LRBA: variants seen among roughly 807,000 people sequenced by gnomAD.
LRBA encodes the protein LPS responsive beige-like anchor protein.
A neutral mutation model predicts 330.0 loss-of-function variants in LRBA; 176 were observed. That is an observed-to-expected ratio of 0.53 (90% CI 0.47 to 0.60). LRBA has a LOEUF of 0.60. Ranked by LOEUF, LRBA falls within the 20% of genes least tolerant of loss-of-function variation. LRBA has a pLI of 0.00. For synonymous variants in LRBA, 1,230 were observed against 1,193.0 expected (o/e 1.03, Z -0.64); for missense variants, 3,259 against 3,444.8 (o/e 0.95, Z 1.35).
At chr4:150,973,335 T>C (rs1579368961) in intron 2 of LRBA, among the ~76,000 whole-genome samples, 2 of 152,182 alleles carry the variant, frequency 1.3e-5, no homozygotes, top group South Asian at 4.1e-4. Context: ...GCCCAGCTAA[T>C]TTTGTATTTT....
At chr4:150,994,617 A>C (rs1742444130) in intron 2 of LRBA, among the ~76,000 whole-genome samples, 1 of 152,204 alleles carries the variant, frequency 6.6e-6, no homozygotes, top group African/African-American at 2.4e-5. Context: ...ATAAGAGATA[A>C]AGAGTAACAA....
intron 13 of LRBA, among the ~76,000 whole-genome samples, chr4:150,903,377 T>C (rs1579151206): frequency 6.6e-6 from 1 of 151,998 alleles, no homozygotes; most frequent in Admixed American, 6.6e-5. Context: ...AGAATAGTTA[T>C]AAGTTAGACA....
intron 40 of LRBA, among the ~76,000 whole-genome samples, chr4:150,510,794 A>G (rs1216803402): frequency 6.6e-6 from 1 of 151,998 alleles, no homozygotes; most frequent in Non-Finnish European, 1.5e-5. Context: ...TCACCTATAA[A>G]TAGCTCCACC....
chr4:150,547,481 T>C (rs1443752149), intron 40 of LRBA, among the ~76,000 whole-genome samples: 1 of 152,166 alleles, frequency 6.6e-6, no homozygotes, highest in Non-Finnish European at 1.5e-5. Flanking sequence ...AAGTCTGCTA[T>C]ATTGTAGACA....
At chr4:150,814,642 TG>T (rs909456904) in intron 31 of LRBA, among the ~76,000 whole-genome samples, 32 of 146,778 alleles carry the variant, frequency 2.2e-4, no homozygotes, top group African/African-American at 3.8e-4. Context: ...TTTTTAAAAA[TG>T]GGGGGGGCTA....
intron 2 of LRBA, 167 bp downstream of exon 2, chr4:151,014,260 A>G (rs1745177911): frequency 1.7e-6 from 1 of 583,072 alleles, no homozygotes; most frequent in South Asian, 2.5e-5. Flanking sequence ...ATTCCCTTCA[A>G]TCTAAAAAAC....
intron 48 of LRBA, among the ~76,000 whole-genome samples, chr4:150,336,314 A>G (rs114559572): frequency 0.012 from 1,781 of 152,328 alleles, 31 homozygotes; most frequent in African/African-American, 0.04. Context: ...TATTGAGTTT[A>G]CTTTTTTAAC....
chr4:150,354,512 T>A (rs748897056), intron 47 of LRBA, among the ~76,000 whole-genome samples: 1 of 141,054 alleles, frequency 7.1e-6, no homozygotes, highest in Non-Finnish European at 1.6e-5. Flanking sequence ...TGAGTAATAT[T>A]TGTAAAAAAG....
In LRBA at chr4:150,687,185, T is replaced by A. The variant is rs1561516205; in HGVS notation, c.5755-3468A>T. Among the ~76,000 whole-genome samples, 3 of 152,230 alleles carry A rather than the reference T, an allele frequency of 2.0e-5. No individual in the cohort carries two copies. The East Asian group carries it at 5.8e-4, about 29-fold the overall frequency. Reference sequence around the variant, plus strand: ...TTTTTAAATGTCCTTATAATGTAATTTGAAGATGTTCTTATTTAAAAACCA... The same window carrying A: ...TTTTTAAATGTCCTTATAATGTAATATGAAGATGTTCTTATTTAAAAACCA... On this transcript the variant is annotated intron_variant, in intron 36 of 56. Coordinates refer to ENST00000651943, the MANE Select transcript of LRBA (RefSeq NM_001364905.1).
intron 49 of LRBA, among the ~76,000 whole-genome samples, chr4:150,325,023 T>G (rs1271046371): frequency 6.6e-6 from 1 of 152,164 alleles, no homozygotes. Context: ...CTGGGCTGAC[T>G]TTTGACTTGC....
intron 52 of LRBA, among the ~76,000 whole-genome samples, chr4:150,305,794 GTTTAC>G (rs1730286554): frequency 1.3e-5 from 2 of 152,044 alleles, no homozygotes; most frequent in Admixed American, 6.5e-5. Flanking sequence ...ATTTTTTTAA[GTTTAC>G]TTTTTCCTGT....
At chr4:150,922,898 G>T (rs1220692295) in intron 4 of LRBA, among the ~76,000 whole-genome samples, 1 of 152,160 alleles carries the variant, frequency 6.6e-6, no homozygotes, top group African/African-American at 2.4e-5. Flanking sequence ...AGAAGAATCT[G>T]AGGCAGGGGA....
Position 150,908,795 on chromosome 4 carries a change from C to T in LRBA, c.1224G>A (p.Leu408=). The T allele has an allele frequency of 1.2e-6, 2 of 1,613,798 alleles. No individual in the cohort carries two copies. Among genetic ancestry groups the T allele is most frequent in the Middle Eastern group, 1.7e-4 (1 of 6,060 alleles). ...LFLAEHHKLL[L]YDGKLSSAIA... is the part of the protein sequence containing the mutation. ...TGGCACTAGAGAGTTTCCCATCGTA[C>T]AATAAAAGTTTGTGATGCTCAGCAA... Residue 408 remains leucine, a synonymous_variant, in exon 10 of 57, where the codon TTG becomes TTA. Coordinates refer to ENST00000651943, the MANE Select transcript of LRBA (RefSeq NM_001364905.1).
chr4:150,366,507 T>C (rs1358551790), intron 47 of LRBA, among the ~76,000 whole-genome samples: 3 of 152,184 alleles, frequency 2.0e-5, no homozygotes, highest in Admixed American at 6.5e-5. Flanking sequence ...CAAGAGTTAA[T>C]TGAAACATTC....
intron 41 of LRBA, among the ~76,000 whole-genome samples, chr4:150,489,585 TATATTATATAAGAATATATA>T (rs1561252035): frequency 6.8e-4 from 52 of 76,778 alleles, no homozygotes; most frequent in Admixed American, 1.5e-3. Context: ...GAATATATAA[TATATTATATAAGAATATATA>T]ATATATAATA....
Position 150,265,656 on chromosome 4 carries a change from G to T in LRBA, c.*66C>A. On this transcript the variant is annotated 3_prime_UTR_variant, in exon 57 of 57. Transcript: ENST00000651943. ...ATTTAAGTTACATTCAGATGTGGTA[G>T]AAGAGAATGATGCTCCAGGTACTTC... The T allele has an allele frequency of 9.8e-7, 1 of 1,018,918 alleles. No homozygotes were observed. The highest frequency in any genetic ancestry group is 1.6e-6 in the Non-Finnish European group (1 of 638,436). 63.1% of individuals were successfully genotyped at this position (1,018,918 alleles called of 1,614,324 possible). A position where few individuals can be genotyped will look rare whatever the true frequency, so the allele number is the denominator to read the frequency against.
intron 36 of LRBA, among the ~76,000 whole-genome samples, chr4:150,707,118 C>G (rs1785704078): frequency 6.6e-6 from 1 of 151,452 alleles, no homozygotes; most frequent in Middle Eastern, 3.2e-3. Flanking sequence ...CATAAAGAAA[C>G]CCTGAAAAAT....
intron 17 of LRBA, among the ~76,000 whole-genome samples, chr4:150,885,145 A>G (rs933468837): frequency 6.6e-6 from 1 of 151,694 alleles, no homozygotes; most frequent in African/African-American, 2.4e-5. Context: ...AAATTATTCA[A>G]CCTTTAGACA....
chr4:150,430,208 T>A (rs1411896964), intron 46 of LRBA, among the ~76,000 whole-genome samples: 2 of 152,158 alleles, frequency 1.3e-5, no homozygotes, highest in African/African-American at 4.8e-5. Context: ...TTACTGAATA[T>A]AAGCCTTCAC....
Sources: allele counts gnomAD v4.1 joint callset (sites outside exome capture counted in the v4.1 genomes callset), GRCh38; gene constraint gnomAD v4.1.1; transcripts MANE v1.5; gene names NCBI Gene and HGNC (gene_info 2026-07-23, HGNC 2026-07-21).